Variants in PCDHGB7 observed in about 807,000 individuals in gnomAD.
The protein encoded by PCDHGB7 is protocadherin gamma subfamily B, 7.
Under a neutral mutation model 61.4 loss-of-function variants are expected in PCDHGB7, and 37 were observed. The ratio of observed to expected loss-of-function variants is 0.60; its 90% confidence interval spans 0.46 to 0.79. The LOEUF (loss-of-function observed/expected upper bound fraction) is 0.79, where lower values mean the gene tolerates loss of function less well. Among genes scored for constraint, PCDHGB7 ranks in the 30% least tolerant of loss-of-function variants. The pLI is 0.00. For missense variants in PCDHGB7, 1,166 were observed against 1,202.5 expected, an observed-to-expected ratio of 0.97 and a Z score of 0.45; for synonymous variants, 464 against 503.5, an observed-to-expected ratio of 0.92 and a Z score of 1.05.
Position 141,490,931 on chromosome 5 carries a change from T to C in PCDHGB7, c.2416-3876T>C. 1 of 1,613,780 alleles carries C rather than the reference T, an allele frequency of 6.2e-7. No individual in the cohort carries two copies. Among genetic ancestry groups the C allele is most frequent in the East Asian group, 2.2e-5 (1 of 44,872 alleles). ...GACGAGAATGATAATGCCCCAGCTG[T>C]GCTGCACCCACGGCCAGACTGGGAA... On this transcript the variant is annotated intron_variant, in intron 1 of 3. Transcript: ENST00000398594. This position sits in a 1 kb window ranked among gnomAD's most constrained non-coding sequence, Gnocchi z 5.4.
intron 1 of PCDHGB7, chr5:141,427,972 C>A: frequency 6.3e-7 from 1 of 1,593,948 alleles, no homozygotes; most frequent in Non-Finnish European, 8.6e-7. Context: ...GTGCTGTACC[C>A]CGCGCTGGGG....
In PCDHGB7 at chr5:141,419,822, T is replaced by A; in HGVS notation, c.1963T>A (p.Ser655Thr). Reference sequence around the variant, plus strand: ...AAGAGATGGAGGACAGCCACCCCTTTCAGCCACTGCCACGCTGCACCTGGT... The same window carrying A: ...AAGAGATGGAGGACAGCCACCCCTTACAGCCACTGCCACGCTGCACCTGGT... The part of the protein sequence containing the change: ...AVRDGGQPPL[S>T]ATATLHLVFA... The change falls in exon 1 of 4, where the codon TCA (serine) becomes ACA (threonine). Residue 655 changes from serine to threonine, a missense_variant. Coordinates refer to ENST00000398594, the MANE Select transcript of PCDHGB7 (RefSeq NM_018927.4). The A allele has an allele frequency of 6.2e-7, 1 of 1,614,058 alleles. No individual in the cohort carries two copies. Among genetic ancestry groups the A allele is most frequent in the Non-Finnish European group, 8.5e-7 (1 of 1,179,876 alleles).
chr5:141,487,516 G>A lies in PCDHGB7; in HGVS notation c.2416-7291G>A, dbSNP rs2099648095. On this transcript the variant is annotated intron_variant, in intron 1 of 3. Coordinates refer to ENST00000398594, the MANE Select transcript of PCDHGB7 (RefSeq NM_018927.4). The surrounding 1 kb of genome is among the most constrained non-coding windows in gnomAD (Gnocchi z 5.0). ...CACCCTTGGCTTCTGCACCCACTCG[G>A]AGTGATAGCTTCATGATGGTGAAGT... 6.2e-7 allele frequency: 1 copy of A among 1,614,078 alleles called. No individual in the cohort carries two copies. The highest frequency in any genetic ancestry group is 1.7e-5 in the Admixed American group (1 of 60,010).
chr5:141,471,003 C>A (rs2099246040), intron 1 of PCDHGB7, among the ~76,000 whole-genome samples: 1 of 151,658 alleles, frequency 6.6e-6, no homozygotes, highest in East Asian at 1.9e-4. Flanking sequence ...AGGCATGAGC[C>A]ACTGTGCCTG....
At chr5:141,460,134 T>TCAAAGA in intron 1 of PCDHGB7, among the ~76,000 whole-genome samples, 1 of 152,066 alleles carries the variant, frequency 6.6e-6, no homozygotes, top group South Asian at 2.1e-4. Flanking sequence ...AATATATATA[T>TCAAAGA]TCTTGATGTG....
rs568314069 is a variant in PCDHGB7 at position 141,486,371 on chromosome 5, G to C, written c.2416-8436G>C. 53 of 1,614,138 alleles carry C rather than the reference G, an allele frequency of 3.3e-5. 2 individuals are homozygous for C. The South Asian group carries it at 5.3e-4, about 16-fold the overall frequency. Reference sequence around the variant, plus strand: ...CCACTTGCCATTTGCCCTCAAGTCTGCCTTCAGGAACCAGTTCTCCCTGGT... The same window carrying C: ...CCACTTGCCATTTGCCCTCAAGTCTCCCTTCAGGAACCAGTTCTCCCTGGT... On this transcript the variant is annotated intron_variant, in intron 1 of 3. Transcript: ENST00000398594. The surrounding 1 kb of genome is among the most constrained non-coding windows in gnomAD (Gnocchi z 5.0).
At position 141,418,775 on chromosome 5, in the gene PCDHGB7, C is replaced by T. The variant is rs773519128; in HGVS notation, c.916C>T (p.Pro306Ser). 4 of 1,613,764 alleles carry T rather than the reference C, an allele frequency of 2.5e-6. No individual in the cohort carries two copies. In the East Asian group the frequency reaches 6.7e-5, roughly 27 times the overall value. ...TACAGGAAACATTCTAACTCAGCAG[C>T]CTTTGGATTTTGAAGAAGTAGAAAG... Reference protein sequence around the residue: ...YTTGNILTQQPLDFEEVERYT... With the variant: ...YTTGNILTQQSLDFEEVERYT... The change falls in exon 1 of 4, where the codon CCT (proline) becomes TCT (serine). Residue 306 changes from proline (P) to serine (S), a missense_variant. By Grantham distance (74) the Pro-to-Ser change is moderately conservative. Transcript: ENST00000398594.
rs1464961193 is a variant in PCDHGB7 at position 141,432,346 on chromosome 5, A to G, written c.2415+12072A>G. The G allele has an allele frequency of 6.2e-7, 1 of 1,614,192 alleles. No homozygotes were observed. Among genetic ancestry groups the G allele is most frequent in the African/African-American group, 1.3e-5 (1 of 75,054 alleles). On this transcript the variant is annotated intron_variant, in intron 1 of 3. Coordinates refer to ENST00000398594, the MANE Select transcript of PCDHGB7 (RefSeq NM_018927.4). This position sits in a 1 kb window ranked among gnomAD's most constrained non-coding sequence, Gnocchi z 6.0. ...ACTACGAGCAGTTCCGAGACTTGCA[A>G]GTGAAAGTGATGGCGCGGGACAACG...
chr5:141,432,949 C>A lies in PCDHGB7; in HGVS notation c.2415+12675C>A, dbSNP rs764998032. ...CACGCCTGCTGCAGGCTTCAGGAGG[C>A]GGCTTGACAGGAGCGCCGGCGTCGC... On this transcript the variant is annotated intron_variant, in intron 1 of 3. Transcript: ENST00000398594. This position sits in a 1 kb window ranked among gnomAD's most constrained non-coding sequence, Gnocchi z 6.0. The A allele has an allele frequency of 1.9e-6, 3 of 1,614,184 alleles. No homozygotes were observed. The highest frequency in any genetic ancestry group is 2.5e-6 in the Non-Finnish European group (3 of 1,180,040).
At position 141,491,770 on chromosome 5, in the gene PCDHGB7, G is replaced by C. The variant is rs1230581925; in HGVS notation, c.2416-3037G>C. 1 of 1,560,888 alleles carries C rather than the reference G, an allele frequency of 6.4e-7. No individual in the cohort carries two copies. Among genetic ancestry groups the C allele is most frequent in the Non-Finnish European group, 8.7e-7 (1 of 1,154,942 alleles). On this transcript the variant is annotated intron_variant, in intron 1 of 3. Coordinates refer to ENST00000398594, the MANE Select transcript of PCDHGB7 (RefSeq NM_018927.4). This position sits in a 1 kb window ranked among gnomAD's most constrained non-coding sequence, Gnocchi z 6.9. ...TGGAGAAGCCGCCCGTCCTCATAAG[G>C]GATTGAACTTGCATCCACTCCTCTC...
In PCDHGB7 at chr5:141,489,844, C is replaced by G. The variant is rs1004902910; in HGVS notation, c.2416-4963C>G. Reference sequence around the variant, plus strand: ...GCTGGTGCTAGAGCAGCAGCTGGATCGTGAAGCCCAGGCAAGACATCAGCT... The same window carrying G: ...GCTGGTGCTAGAGCAGCAGCTGGATGGTGAAGCCCAGGCAAGACATCAGCT... On this transcript the variant is annotated intron_variant, in intron 1 of 3. Coordinates refer to ENST00000398594, the MANE Select transcript of PCDHGB7 (RefSeq NM_018927.4). The surrounding 1 kb of genome is among the most constrained non-coding windows in gnomAD (Gnocchi z 4.5). The G allele has an allele frequency of 1.2e-6, 2 of 1,614,030 alleles. No individual in the cohort carries two copies. Among genetic ancestry groups the G allele is most frequent in the Non-Finnish European group, 8.5e-7 (1 of 1,179,990 alleles).
intron 1 of PCDHGB7, among the ~76,000 whole-genome samples, chr5:141,459,838 A>G (rs944807247): frequency 6.6e-6 from 1 of 152,098 alleles, no homozygotes; most frequent in Non-Finnish European, 1.5e-5. Flanking sequence ...TGTGTTGTCT[A>G]TTTGTATATC....
At position 141,431,918 on chromosome 5, in the gene PCDHGB7, C is replaced by T; in HGVS notation, c.2415+11644C>T. On this transcript the variant is annotated intron_variant, in intron 1 of 3. Transcript: ENST00000398594. This position sits in a 1 kb window ranked among gnomAD's most constrained non-coding sequence, Gnocchi z 4.8. Reference sequence around the variant, plus strand: ...AAACGGACAGGTGATCTGTTTCATCCAAGGAAATCTGCCCTTTAAATTAGA... The same window carrying T: ...AAACGGACAGGTGATCTGTTTCATCTAAGGAAATCTGCCCTTTAAATTAGA... The T allele has an allele frequency of 6.2e-7, 1 of 1,613,998 alleles. No individual in the cohort carries two copies. The highest frequency in any genetic ancestry group is 8.5e-7 in the Non-Finnish European group (1 of 1,179,862).
At chr5:141,434,807 A>G (rs2097718601) in intron 1 of PCDHGB7, among the ~76,000 whole-genome samples, 1 of 152,016 alleles carries the variant, frequency 6.6e-6, no homozygotes, top group South Asian at 2.1e-4. Context: ...AGCTTGGAGA[A>G]ATATATCCCT....
chr5:141,508,961 A>G (rs991011427), intron 3 of PCDHGB7, among the ~76,000 whole-genome samples: 2 of 151,978 alleles, frequency 1.3e-5, no homozygotes, highest in Non-Finnish European at 2.9e-5. Flanking sequence ...TGTCAGCGGA[A>G]TGAAAGGGCT....
At chr5:141,474,419 A>AT (rs1348108901) in intron 1 of PCDHGB7, among the ~76,000 whole-genome samples, 1 of 152,204 alleles carries the variant, frequency 6.6e-6, no homozygotes, top group Non-Finnish European at 1.5e-5. Context: ...TGCCTAGACC[A>AT]TTGGTCCTCA....
chr5:141,510,880 G>T (rs373993657), intron 3 of PCDHGB7, 67 bp from the exon 4 acceptor site: 1 of 1,611,902 alleles, frequency 6.2e-7, no homozygotes. Context: ...AACTGCTGGG[G>T]ATATAAGACA....
intron 1 of PCDHGB7, among the ~76,000 whole-genome samples, chr5:141,473,422 A>C (rs2154571673): frequency 6.6e-6 from 1 of 152,332 alleles, no homozygotes; most frequent in African/African-American, 2.4e-5. Context: ...TGGGGGAAGC[A>C]GATACTTTGC....
chr5:141,505,577 G>A lies in PCDHGB7; in HGVS notation c.2563+96G>A, dbSNP rs537948666. 8.2e-6 allele frequency: 13 copies of A among 1,589,854 alleles called. No homozygotes were observed. The African/African-American group carries it at 1.1e-4, about 13-fold the overall frequency. Reference sequence around the variant, plus strand: ...TGCCCACGGACTGGATGTCAAACCTGTGTAGTTTCTCCAGATCTTTCGGCA... The same window carrying A: ...TGCCCACGGACTGGATGTCAAACCTATGTAGTTTCTCCAGATCTTTCGGCA... On this transcript the variant is annotated intron_variant, in intron 3 of 3. Coordinates refer to ENST00000398594, the MANE Select transcript of PCDHGB7 (RefSeq NM_018927.4).
Sources: gnomAD v4.1 joint callset for allele counts (sites outside exome capture counted in the v4.1 genomes callset) on GRCh38, gnomAD v4.1.1 for gene constraint, Gnocchi (gnomAD v3.1) non-coding constraint, MANE v1.5 for transcripts, NCBI Gene and HGNC (gene_info 2026-07-23, HGNC 2026-07-21) for gene names.